Variants in SCN1A observed in about 807,000 individuals in gnomAD.
SCN1A encodes sodium voltage-gated channel alpha subunit 1.
A neutral mutation model predicts 193.7 loss-of-function variants in SCN1A; 13 were observed. That is an observed-to-expected ratio of 0.07 (90% CI 0.04 to 0.11). The LOEUF (loss-of-function observed/expected upper bound fraction) is 0.11. Ranked by LOEUF, SCN1A falls within the 10% of genes least tolerant of loss-of-function variation. The probability of loss-of-function intolerance (pLI) is 1.00; values close to 1 mark genes in which losing one functional copy is unlikely to be tolerated. For synonymous variants in SCN1A, 781 were observed against 843.6 expected, an observed-to-expected ratio of 0.93 and a Z score of 1.29; for missense variants, 1,432 against 2,451.1, an observed-to-expected ratio of 0.58 and a Z score of 8.78.
rs182626710 is a variant in SCN1A, at chr2:166,135,268, T to A, written c.-50+13779A>T. ...TTGAAGAGTTTCAATTAGATTTTTT[T>A]AATAAAGAGGACTTTCTTTACTCTA... On this transcript the variant is annotated intron_variant, in intron 1 of 26. Coordinates refer to the SCN1A transcript ENST00000635750. Among the ~76,000 whole-genome samples, 375 of 152,346 alleles carry A rather than the reference T, an allele frequency of 2.5e-3. 5 individuals are homozygous for A. Among genetic ancestry groups the A allele is most frequent in the South Asian group, 0.018 (88 of 4,832 alleles).
chr2:166,129,136 G>A (rs1028222266), upstream of SCN1A, among the ~76,000 whole-genome samples: 6 of 151,836 alleles, frequency 4.0e-5, no homozygotes, highest in African/African-American at 7.3e-5. Flanking sequence ...TACTATTAAT[G>A]TTATTATATT....
intron 17 of SCN1A, 98 bp downstream of exon 17, chr2:166,039,325 C>G: frequency 8.1e-7 from 1 of 1,232,536 alleles, no homozygotes; most frequent in South Asian, 1.4e-5. Context: ...ACTTACAATG[C>G]TAATGGTTGT....
At chr2:165,996,165 A>AT (rs756634552) in intron 26 of SCN1A, 48 bp from the exon 27 acceptor site, 2 of 1,172,922 alleles carry the variant, frequency 1.7e-6, no homozygotes, top group South Asian at 1.3e-5. Context: ...CCTTTTGTAC[A>AT]TTTTTTTCAA....
intron 2 of SCN1A, among the ~76,000 whole-genome samples, chr2:166,079,982 A>G (rs1334182583): frequency 6.6e-6 from 1 of 151,604 alleles, no homozygotes; most frequent in Non-Finnish European, 1.5e-5. Flanking sequence ...TAAAAATCTC[A>G]TAAGGTTAAT....
chr2:166,052,100 A>G lies in SCN1A; in HGVS notation c.695-112T>C. 3 of 958,110 alleles carry G rather than the reference A, an allele frequency of 3.1e-6. No individual in the cohort carries two copies. In the South Asian group the frequency reaches 5.0e-5, roughly 16 times the overall value. 59.4% of individuals were successfully genotyped at this position (958,110 alleles called of 1,614,324 possible). On this transcript the variant is annotated intron_variant, in intron 8 of 28. Transcript: ENST00000674923. ...CATTCATAAATCCAAGAATGTTTGC[A>G]ACGCTAGTGGAGAAGCAACACTTCA... is the stretch of plus-strand genomic sequence containing the variant.
chr2:166,093,949 A>G (rs1213217936), intron 2 of SCN1A, among the ~76,000 whole-genome samples: 1 of 152,200 alleles, frequency 6.6e-6, no homozygotes, highest in Non-Finnish European at 1.5e-5. Context: ...ATATTTCATT[A>G]GAAACACTTA....
chr2:166,001,011 T>C (rs1690753359), intron 24 of SCN1A, among the ~76,000 whole-genome samples: 1 of 151,702 alleles, frequency 6.6e-6, no homozygotes, highest in Non-Finnish European at 1.5e-5. Flanking sequence ...TTTTCTTTCC[T>C]CAAATTTATG....
rs368609628 is a variant in SCN1A, at chr2:166,015,661, G to T, written c.3496C>A (p.Gln1166Lys). The change falls in exon 20 of 29, where the codon CAG becomes AAG. Residue 1166 changes from glutamine (Q) to lysine (K), a missense_variant. Physicochemically the swap from Gln to Lys is moderately conservative, Grantham distance 53. Transcript: ENST00000674923. The part of the protein sequence containing the change: ...TVDIGAPVEE[Q>K]PVVEPEETLE... Reference sequence around the variant, plus strand: ...GTTTCTTCAGGTTCCACTACGGGCTGTTCTTCTACAGGTGCGCCGATGTCC... The same window carrying T: ...GTTTCTTCAGGTTCCACTACGGGCTTTTCTTCTACAGGTGCGCCGATGTCC... 16 of 1,612,852 alleles carry T rather than the reference G, an allele frequency of 9.9e-6. No individual in the cohort carries two copies. The highest frequency in any genetic ancestry group is 8.3e-5 in the Admixed American group (5 of 59,944).
chr2:166,013,051 CTT>C (rs1489388962), intron 21 of SCN1A, among the ~76,000 whole-genome samples: 1 of 151,316 alleles, frequency 6.6e-6, no homozygotes, highest in Middle Eastern at 3.2e-3. Flanking sequence ...GTTTCTCTCT[CTT>C]TCTTTCTCTT....
chr2:165,989,632 A>G lies in SCN1A; in HGVS notation c.*1613T>C, dbSNP rs1045814318. ...GAAATAATCTAAAATTAGCAAATGT[A>G]ATTTAAAAAGCAGAAATCTACAACT... On this transcript the variant is annotated 3_prime_UTR_variant, in exon 29 of 29. Coordinates refer to ENST00000674923, the MANE Select transcript of SCN1A (RefSeq NM_001165963.4). 3.3e-5 allele frequency: 5 copies of G among 152,548 alleles called. No individual in the cohort carries two copies. The highest frequency in any genetic ancestry group is 1.2e-4 in the African/African-American group (5 of 41,444). The allele number at this position is 152,548 out of a possible 1,614,324, so 9.4% of individuals were successfully genotyped here.
At chr2:166,122,404 G>A (rs1690699323) in intron 2 of SCN1A, among the ~76,000 whole-genome samples, 1 of 152,110 alleles carries the variant, frequency 6.6e-6, no homozygotes, top group African/African-American at 2.4e-5. Flanking sequence ...TTCCAATAAT[G>A]AGAAGAAACA....
At chr2:166,058,047 C>A (rs1446058357) in intron 5 of SCN1A, among the ~76,000 whole-genome samples, 1 of 152,050 alleles carries the variant, frequency 6.6e-6, no homozygotes, top group African/African-American at 2.4e-5. Context: ...ACTTCCTTCA[C>A]AAAAATCATC....
intron 13 of SCN1A, among the ~76,000 whole-genome samples, chr2:166,044,561 A>AT (rs1358666104): frequency 6.6e-6 from 1 of 152,202 alleles, no homozygotes; most frequent in Admixed American, 6.6e-5. Flanking sequence ...CTTGAAGTTC[A>AT]TACTTCTGAA....
intron 19 of SCN1A, among the ~76,000 whole-genome samples, chr2:166,018,255 T>C: frequency 6.6e-6 from 1 of 152,052 alleles, no homozygotes; most frequent in Non-Finnish European, 1.5e-5. Flanking sequence ...AGCATTGATT[T>C]TTATTCTGCC....
intron 23 of SCN1A, 64 bp downstream of exon 23, chr2:166,009,655 T>C: frequency 6.7e-7 from 1 of 1,502,894 alleles, no homozygotes; most frequent in Non-Finnish European, 9.0e-7. Flanking sequence ...TTTTCCTTTT[T>C]CTAAATTTAA....
chr2:166,052,342 C>G (rs767939762), intron 8 of SCN1A, among the ~76,000 whole-genome samples: 3 of 151,840 alleles, frequency 2.0e-5, no homozygotes, highest in Non-Finnish European at 4.4e-5. Context: ...TAACAAAATA[C>G]CTGAATAAAT....
Position 166,147,873 on chromosome 2 carries a change from C to T in SCN1A, c.-50+1174G>A, listed in dbSNP as rs116671028. ...CAGGGGAATTTATTTTACGATCACT[C>T]ATTTTCATTCCTTTAATTTAATTTT... On this transcript the variant is annotated intron_variant, in intron 1 of 26. Transcript: ENST00000635750. Among the ~76,000 whole-genome samples, 719 of 152,300 alleles carry T rather than the reference C, an allele frequency of 4.7e-3. 10 individuals are homozygous for T. The highest frequency in any genetic ancestry group is 0.016 in the African/African-American group (657 of 41,572).
At chr2:166,068,611 T>C (rs1000719436) in intron 4 of SCN1A, among the ~76,000 whole-genome samples, 3 of 152,074 alleles carry the variant, frequency 2.0e-5, no homozygotes, top group Admixed American at 1.3e-4. Context: ...ATAATTCCAA[T>C]TAAAAACAAA....
At chr2:166,064,641 C>A (rs898762798) in intron 4 of SCN1A, among the ~76,000 whole-genome samples, 1 of 151,946 alleles carries the variant, frequency 6.6e-6, no homozygotes, top group African/African-American at 2.4e-5. Context: ...TTTAACAAGC[C>A]ATGGTTTTCC....
Sources: allele counts gnomAD v4.1 joint callset (sites outside exome capture counted in the v4.1 genomes callset), GRCh38; gene constraint gnomAD v4.1.1; transcripts MANE v1.5; gene names NCBI Gene and HGNC (gene_info 2026-07-23, HGNC 2026-07-21).